The following ADARB2 variants were observed in gnomAD, a reference collection of about 807,000 sequenced individuals.
The protein encoded by ADARB2 is inactive double-stranded RNA-specific editase B2.
ADARB2 carries 25 observed loss-of-function variants against 62.2 expected under a neutral mutation model. The ratio of observed to expected loss-of-function variants is 0.40; its 90% confidence interval spans 0.29 to 0.56. The LOEUF is 0.56. ADARB2 is among the 20% of genes least tolerant of loss of function. The probability of loss-of-function intolerance (pLI) is 0.43; values close to 1 mark genes in which losing one functional copy is unlikely to be tolerated. For synonymous variants in ADARB2, 572 were observed against 500.8 expected (o/e 1.14, Z -1.90); for missense variants, 1,071 against 1,077.4 (o/e 0.99, Z 0.08).
intron 3 of ADARB2, among the ~76,000 whole-genome samples, chr10:1,360,232 G>A (rs1039504126): frequency 1.3e-5 from 2 of 152,246 alleles, no homozygotes; most frequent in African/African-American, 4.8e-5. Flanking sequence ...GACGGACTCC[G>A]GGAGGGCGGC....
chr10:1,368,537 G>T (rs891772777), intron 2 of ADARB2, among the ~76,000 whole-genome samples: 14 of 152,142 alleles, frequency 9.2e-5, no homozygotes, highest in African/African-American at 3.4e-4. Context: ...TCATGTCTGC[G>T]AGTCGCGAGC....
intron 3 of ADARB2, among the ~76,000 whole-genome samples, chr10:1,296,274 CT>C (rs1434394415): frequency 6.6e-6 from 1 of 152,190 alleles, no homozygotes; most frequent in Non-Finnish European, 1.5e-5. Context: ...ATTTACTGAC[CT>C]GTAATCTAAC....
intron 1 of ADARB2, among the ~76,000 whole-genome samples, chr10:1,581,875 G>C (rs1237592135): frequency 6.6e-6 from 1 of 150,988 alleles, no homozygotes; most frequent in Non-Finnish European, 1.5e-5. Context: ...TGTGTGCAGA[G>C]AGGCCAAGAT....
In ADARB2 at chr10:1,632,590, C is replaced by T. The variant is rs148842498; in HGVS notation, c.100+104461G>A. On this transcript the variant is annotated intron_variant, in intron 1 of 9. Transcript: ENST00000381312. ...CTCACCCCAGAGACAGTGTCCATGA[C>T]GGTTCTCCAAGTCTGGTGAGACTAG... Among the ~76,000 whole-genome samples the T allele has an allele frequency of 3.8e-3, 585 of 152,320 alleles. 1 individual carries two copies. Among genetic ancestry groups the T allele is most frequent in the Non-Finnish European group, 5.8e-3 (396 of 68,028 alleles).
chr10:1,430,636 A>G (rs1186383337), intron 1 of ADARB2, among the ~76,000 whole-genome samples: 1 of 152,168 alleles, frequency 6.6e-6, no homozygotes, highest in Non-Finnish European at 1.5e-5. Flanking sequence ...GCTACTTGGG[A>G]GGCTGAGGCA....
chr10:1,501,343 A>C (rs1379785700), intron 1 of ADARB2, among the ~76,000 whole-genome samples: 1 of 152,174 alleles, frequency 6.6e-6, no homozygotes, highest in Non-Finnish European at 1.5e-5. Context: ...CTAGAGTTAA[A>C]TATCCAGAAC....
At chr10:1,545,032 G>A (rs984242538) in intron 1 of ADARB2, among the ~76,000 whole-genome samples, 3 of 150,296 alleles carry the variant, frequency 2.0e-5, no homozygotes, top group African/African-American at 7.4e-5. Context: ...AAGTCTGGTA[G>A]GCTTGGTGAA....
chr10:1,382,388 C>G (rs372303910), intron 1 of ADARB2, among the ~76,000 whole-genome samples: 1 of 152,286 alleles, frequency 6.6e-6, no homozygotes, highest in South Asian at 2.1e-4. Context: ...CTGCAATCAC[C>G]GTGAAGGCAC....
chr10:1,697,992 TAATACGC>T (rs1451536110), intron 1 of ADARB2, among the ~76,000 whole-genome samples: 1 of 152,208 alleles, frequency 6.6e-6, no homozygotes, highest in Non-Finnish European at 1.5e-5. Flanking sequence ...CATTAAACAA[TAATACGC>T]GACTTTCACC....
intron 1 of ADARB2, among the ~76,000 whole-genome samples, chr10:1,394,692 A>C (rs1832596650): frequency 6.6e-6 from 1 of 152,152 alleles, no homozygotes; most frequent in African/African-American, 2.4e-5. Context: ...CCTGCACTGC[A>C]TGAAGTCACT....
chr10:1,451,641 C>T (rs1831040484), intron 1 of ADARB2, among the ~76,000 whole-genome samples: 1 of 151,236 alleles, frequency 6.6e-6, no homozygotes, highest in Admixed American at 6.6e-5. Context: ...AGGGGACACA[C>T]CTGTATGAGA....
intron 3 of ADARB2, among the ~76,000 whole-genome samples, chr10:1,342,976 GA>G (rs1396475709): frequency 6.6e-6 from 1 of 152,206 alleles, no homozygotes; most frequent in African/African-American, 2.4e-5. Context: ...AGACTTGTAT[GA>G]TAAAAAATGC....
At position 1,341,185 on chromosome 10, in the gene ADARB2, C is replaced by G. The variant is rs551658139; in HGVS notation, c.1077+21843G>C. On this transcript the variant is annotated intron_variant, in intron 3 of 9. Transcript: ENST00000381312. ...ATCCACCAGAGAACCATGTGCCCCA[C>G]AGCGGCAATAACCAGCATCCACCAG... Among the ~76,000 whole-genome samples, 288 of 151,998 alleles carry G rather than the reference C, an allele frequency of 1.9e-3. 2 individuals are homozygous for G. Among genetic ancestry groups the G allele is most frequent in the African/African-American group, 6.7e-3 (278 of 41,392 alleles).
At chr10:1,633,088 T>TTCCTGCTTCTCC (rs1306668163) in intron 1 of ADARB2, among the ~76,000 whole-genome samples, 3 of 152,124 alleles carry the variant, frequency 2.0e-5, no homozygotes, top group Admixed American at 2.0e-4. Context: ...TCTCCTGCTT[T>TTCCTGCTTCTCC]TCCTGCTTCT....
At chr10:1,422,222 G>C (rs1832857913) in intron 1 of ADARB2, among the ~76,000 whole-genome samples, 1 of 152,228 alleles carries the variant, frequency 6.6e-6, no homozygotes, top group South Asian at 2.1e-4. Context: ...AATCCATGAG[G>C]CCACATAGGA....
intron 1 of ADARB2, among the ~76,000 whole-genome samples, chr10:1,586,131 A>G (rs1833177867): frequency 6.6e-6 from 1 of 152,198 alleles, no homozygotes; most frequent in South Asian, 2.1e-4. Flanking sequence ...AGGCTGTGTC[A>G]TGGGTGCATC....
intron 1 of ADARB2, among the ~76,000 whole-genome samples, chr10:1,546,586 G>C (rs1026130048): frequency 2.6e-5 from 4 of 152,238 alleles, no homozygotes; most frequent in African/African-American, 9.6e-5. Flanking sequence ...AACTCTCCGT[G>C]TCCTGGGTCT....
intron 1 of ADARB2, among the ~76,000 whole-genome samples, chr10:1,496,647 TTA>T (rs1195651154): frequency 6.6e-6 from 1 of 152,056 alleles, no homozygotes; most frequent in Non-Finnish European, 1.5e-5. Context: ...CATCGTATGG[TTA>T]TCATAATAAT....
At position 1,266,153 on chromosome 10, in the gene ADARB2, C is replaced by T. The variant is rs185899429; in HGVS notation, c.1192+4802G>A. Among the ~76,000 whole-genome samples, 760 of 152,312 alleles carry T rather than the reference C, an allele frequency of 5.0e-3. 4 individuals carry two copies. The highest frequency in any genetic ancestry group is 8.2e-3 in the Non-Finnish European group (557 of 68,014). On this transcript the variant is annotated intron_variant, in intron 4 of 9. Transcript: ENST00000381312. ...ACGCTCTCCCGGAAGACACGGTCCACGCCCTCTGAGAAGATGGCGTGTGGG... is the reference window on the plus strand; with the variant it reads ...ACGCTCTCCCGGAAGACACGGTCCATGCCCTCTGAGAAGATGGCGTGTGGG...
Sources: allele counts gnomAD v4.1 joint callset (sites outside exome capture counted in the v4.1 genomes callset), GRCh38; gene constraint gnomAD v4.1.1; transcripts MANE v1.5; gene names NCBI Gene and HGNC (gene_info 2026-07-23, HGNC 2026-07-21).